TSHZ2: variants seen among roughly 807,000 people sequenced by gnomAD.
The protein encoded by TSHZ2 is teashirt homolog 2.
In TSHZ2, 21 loss-of-function variants were observed where a neutral mutation model predicts 74.4. That is an observed-to-expected ratio of 0.28 (90% CI 0.20 to 0.41). The LOEUF is 0.41. Ranked by LOEUF, TSHZ2 falls within the 10% of genes least tolerant of loss-of-function variation. The probability of loss-of-function intolerance (pLI) is 1.00; values close to 1 mark genes in which losing one functional copy is unlikely to be tolerated. For missense variants in TSHZ2, 1,244 were observed against 1,293.5 expected, an observed-to-expected ratio of 0.96 and a Z score of 0.59; for synonymous variants, 540 against 515.3, an observed-to-expected ratio of 1.05 and a Z score of -0.65.
At chr20:53,325,048 A>G (rs190698103) in intron 2 of TSHZ2, among the ~76,000 whole-genome samples, 171 of 152,378 alleles carry the variant, frequency 1.1e-3, no homozygotes, top group African/African-American at 3.9e-3. Flanking sequence ...GGCAAGTGGC[A>G]TGGAATAATC....
chr20:53,103,663 G>T (rs530229954), intron 1 of TSHZ2, among the ~76,000 whole-genome samples: 3 of 152,186 alleles, frequency 2.0e-5, no homozygotes, highest in Admixed American at 1.3e-4. Flanking sequence ...CCACAGGTAG[G>T]TTGACCTGAC....
chr20:53,168,588 C>T (rs1237293198), intron 1 of TSHZ2: 1 of 152,200 alleles, frequency 6.6e-6, no homozygotes, highest in Non-Finnish European at 1.5e-5. Context: ...GCTTGTCTGT[C>T]TCCTTGTATT....
chr20:53,068,373 A>G (rs1196231251), intron 1 of TSHZ2, among the ~76,000 whole-genome samples: 1 of 151,872 alleles, frequency 6.6e-6, no homozygotes, highest in Non-Finnish European at 1.5e-5. Flanking sequence ...TCATACTCCA[A>G]ACTCCACTGG....
chr20:53,281,044 T>C (rs978789842), intron 2 of TSHZ2, among the ~76,000 whole-genome samples: 2 of 152,218 alleles, frequency 1.3e-5, no homozygotes, highest in African/African-American at 4.8e-5. Context: ...GCCAGGCTTG[T>C]ATCCAGAAAT....
intron 2 of TSHZ2, among the ~76,000 whole-genome samples, chr20:53,349,087 G>T (rs911053755): frequency 3.3e-5 from 5 of 152,226 alleles, no homozygotes; most frequent in Admixed American, 6.5e-5. Context: ...ACAGTGTCCA[G>T]GTGTGCCCCC....
At chr20:53,263,803 G>A (rs1185897155) in intron 2 of TSHZ2, among the ~76,000 whole-genome samples, 4 of 152,100 alleles carry the variant, frequency 2.6e-5, no homozygotes, top group Non-Finnish European at 4.4e-5. Context: ...CCACTTTTCC[G>A]CATCTCAGAG....
intron 2 of TSHZ2, among the ~76,000 whole-genome samples, chr20:53,258,249 A>AAAAGAAAAGCC (rs1479165195): frequency 1.3e-5 from 2 of 152,244 alleles, no homozygotes; most frequent in Non-Finnish European, 2.9e-5. Flanking sequence ...AAGAAAAGCC[A>AAAAGAAAAGCC]AAATGCATCC....
chr20:53,330,019 G>T (rs1050930676), intron 2 of TSHZ2, among the ~76,000 whole-genome samples: 1 of 152,144 alleles, frequency 6.6e-6, no homozygotes, highest in African/African-American at 2.4e-5. Context: ...TTGTTTACAT[G>T]TTATCTATGG....
rs1986541596 is a variant in TSHZ2, at chr20:53,494,780, T to C, written c.*7645T>C. ...GAGCCCCTGATTTCCATCAAAAAGG[T>C]TTCTATAAGTATATTATTTACATTT... On this transcript the variant is annotated 3_prime_UTR_variant, in exon 3 of 3. Coordinates refer to ENST00000371497, the MANE Select transcript of TSHZ2 (RefSeq NM_173485.6). 3 of 151,974 alleles carry C rather than the reference T, an allele frequency of 2.0e-5. No homozygotes were observed. Among genetic ancestry groups the C allele is most frequent in the African/African-American group, 7.3e-5 (3 of 41,362 alleles). The allele number at this position is 151,974 out of a possible 1,614,324, so 9.4% of individuals were successfully genotyped here.
rs767856173 is a variant in TSHZ2 at position 53,253,932 on chromosome 20, A to G, written c.474A>G (p.Arg158=). ...GTGAGAGGAGGAACTGTGACACCCG[A>G]AACGGCAGCAACAAGAGTGATTTTG... ...SNSERRNCDT[R]NGSNKSDFDW... The change falls in exon 2 of 3, where the codon CGA becomes CGG. Residue 158 remains arginine, a synonymous_variant. Transcript: ENST00000371497. 1 of 1,614,204 alleles carries G rather than the reference A, an allele frequency of 6.2e-7. No homozygotes were observed. The highest frequency in any genetic ancestry group is 1.1e-5 in the South Asian group (1 of 91,076).
intron 1 of TSHZ2, among the ~76,000 whole-genome samples, chr20:53,159,831 T>C (rs1347366564): frequency 6.6e-6 from 1 of 152,264 alleles, no homozygotes; most frequent in African/African-American, 2.4e-5. Context: ...ACTAAGCCAG[T>C]ACCTGTAATA....
At chr20:53,439,153 C>T (rs1314382776) in intron 2 of TSHZ2, among the ~76,000 whole-genome samples, 1 of 152,164 alleles carries the variant, frequency 6.6e-6, no homozygotes, top group Non-Finnish European at 1.5e-5. Context: ...TACCTACTGA[C>T]TTTGCACATG....
chr20:53,452,492 C>A (rs1044827517), intron 2 of TSHZ2, among the ~76,000 whole-genome samples: 1 of 151,304 alleles, frequency 6.6e-6, no homozygotes, highest in African/African-American at 2.4e-5. Context: ...CCCAGCTACT[C>A]GGGAGGCTGA....
At chr20:53,410,191 T>TC (rs1476593599) in intron 2 of TSHZ2, among the ~76,000 whole-genome samples, 4 of 152,096 alleles carry the variant, frequency 2.6e-5, no homozygotes, top group African/African-American at 4.8e-5. Flanking sequence ...AGAGGGCGCA[T>TC]CCCAGGATGA....
intron 1 of TSHZ2, among the ~76,000 whole-genome samples, chr20:53,168,237 G>A (rs73911211): frequency 0.048 from 7,285 of 152,138 alleles, 375 homozygotes; most frequent in African/African-American, 0.12. Flanking sequence ...GTATATCGTC[G>A]GACGTGTAGC....
At chr20:53,294,205 G>A (rs1036025076) in intron 2 of TSHZ2, among the ~76,000 whole-genome samples, 3 of 151,976 alleles carry the variant, frequency 2.0e-5, no homozygotes, top group Non-Finnish European at 2.9e-5. Context: ...TGAGCAAAAG[G>A]CAGGTACCTC....
intron 1 of TSHZ2, among the ~76,000 whole-genome samples, chr20:52,996,573 T>C (rs1218926690): frequency 2.6e-5 from 4 of 152,280 alleles, no homozygotes; most frequent in South Asian, 4.1e-4. Context: ...CTGACTTCTC[T>C]TGCTGTATTT....
chr20:53,459,793 A>G (rs1488539884), intron 2 of TSHZ2, among the ~76,000 whole-genome samples: 1 of 145,638 alleles, frequency 6.9e-6, no homozygotes, highest in Non-Finnish European at 1.5e-5. Context: ...TCTGTAAAGT[A>G]TTTTATTTCT....
chr20:52,991,644 TG>T (rs1393978174), intron 1 of TSHZ2, among the ~76,000 whole-genome samples: 1 of 150,814 alleles, frequency 6.6e-6, no homozygotes, highest in Non-Finnish European at 1.5e-5. Flanking sequence ...GTGTGTGTTG[TG>T]GGGGGAGAGA....
Sources: gnomAD v4.1 joint callset for allele counts (sites outside exome capture counted in the v4.1 genomes callset) on GRCh38, gnomAD v4.1.1 for gene constraint, MANE v1.5 for transcripts, NCBI Gene and HGNC (gene_info 2026-07-23, HGNC 2026-07-21) for gene names.